DGKD: variants seen among roughly 807,000 people sequenced by gnomAD.
The protein encoded by DGKD is diacylglycerol kinase delta, also known as DAG kinase delta.
Under a neutral mutation model 154.4 loss-of-function variants are expected in DGKD, and 68 were observed. The ratio of observed to expected loss-of-function variants is 0.44; its 90% CI spans 0.36 to 0.54. DGKD has a LOEUF of 0.54. Among genes scored for constraint, DGKD ranks in the 20% least tolerant of loss-of-function variants. The pLI is 0.00. For synonymous variants in DGKD, 693 were observed against 638.0 expected (o/e 1.09, Z -1.30); for missense variants, 1,343 against 1,593.6 (o/e 0.84, Z 2.68).
chr2:233,445,512 C>T lies in DGKD; in HGVS notation c.1195-111C>T. On this transcript the variant is annotated intron_variant, in intron 10 of 29. Coordinates refer to ENST00000264057, the MANE Select transcript of DGKD (RefSeq NM_152879.3). This position sits in a 1 kb window ranked among gnomAD's most constrained non-coding sequence, Gnocchi z 5.5. ...TAAGCTGCGTGGTTTTAGGTCACGT[C>T]CCCACATTGCTAACGTAACCCTCAC... 3 of 1,439,260 alleles carry T rather than the reference C, an allele frequency of 2.1e-6. No homozygotes were observed. The highest frequency in any genetic ancestry group is 1.4e-5 in the African/African-American group (1 of 69,210). The allele number at this position is 1,439,260 out of a possible 1,614,324, so 89.2% of individuals were successfully genotyped here.
At chr2:233,394,690 CCTTTT>C (rs368976687) in intron 3 of DGKD, among the ~76,000 whole-genome samples, 1,664 of 83,130 alleles carry the variant, frequency 0.02, 358 homozygotes, top group Non-Finnish European at 0.026. Flanking sequence ...AATTTAATTC[CCTTTT>C]TTTTTTTTTT....
intron 11 of DGKD, among the ~76,000 whole-genome samples, chr2:233,446,390 C>T (rs2063072308): frequency 1.3e-5 from 2 of 152,228 alleles, no homozygotes; most frequent in African/African-American, 4.8e-5. Context: ...GTGAAATGCT[C>T]ATCTCACTGG....
intron 3 of DGKD, chr2:233,419,398 T>C (rs2062045411): frequency 1.0e-6 from 1 of 985,444 alleles, no homozygotes; most frequent in Non-Finnish European, 1.2e-6. Flanking sequence ...AGCTGGAAAC[T>C]GTTCTGAGCA....
chr2:233,396,980 G>GGC (rs1553626492), intron 3 of DGKD, among the ~76,000 whole-genome samples: 4 of 84,898 alleles, frequency 4.7e-5, no homozygotes, highest in African/African-American at 4.4e-5. Flanking sequence ...GCTGGGGGGG[G>GGC]CAGAGCGAGA....
chr2:233,367,229 CT>C (rs11365397), intron 1 of DGKD, among the ~76,000 whole-genome samples: 87,419 of 143,962 alleles, frequency 0.61, 26,100 homozygotes, highest in South Asian at 0.75. Flanking sequence ...GTATTAATGA[CT>C]TTTTTTTTTT....
rs958643997 is a variant in DGKD, at chr2:233,359,173, C to A, written c.156+4499C>A. Among the ~76,000 whole-genome samples, 6 of 152,320 alleles carry A rather than the reference C, an allele frequency of 3.9e-5. No homozygotes were observed. The East Asian group carries it at 1.2e-3, about 29-fold the overall frequency. On this transcript the variant is annotated intron_variant, in intron 1 of 29. Transcript: ENST00000264057. ...TGGTGTCAGATGAAGTCACTTCAGA[C>A]CCTGCGCTTCTAGTTATGAAGCATG...
At chr2:233,423,819 G>A (rs2062201622) in intron 3 of DGKD, among the ~76,000 whole-genome samples, 1 of 152,100 alleles carries the variant, frequency 6.6e-6, no homozygotes, top group Non-Finnish European at 1.5e-5. Flanking sequence ...CACCCCCCCA[G>A]TATCCATCAC....
chr2:233,434,305 GT>G, intron 3 of DGKD, 74 bp from the exon 4 acceptor site: 1 of 1,201,206 alleles, frequency 8.3e-7, no homozygotes, highest in Non-Finnish European at 1.2e-6. Context: ...TGTGAGGTCG[GT>G]TTTAAGAAAG....
At chr2:233,364,893 G>T (rs77906510) in intron 1 of DGKD, among the ~76,000 whole-genome samples, 4,997 of 152,106 alleles carry the variant, frequency 0.033, 262 homozygotes, top group African/African-American at 0.11. Flanking sequence ...AAAACATAAG[G>T]ATATTAAAAG....
chr2:233,368,678 A>G (rs1187333353), intron 1 of DGKD, among the ~76,000 whole-genome samples: 1 of 151,804 alleles, frequency 6.6e-6, no homozygotes, highest in African/African-American at 2.4e-5. Flanking sequence ...TCTCCCCCCA[A>G]CCCTAAACCC....
chr2:233,436,738 A>C (rs965281713), intron 7 of DGKD, among the ~76,000 whole-genome samples: 1 of 152,260 alleles, frequency 6.6e-6, no homozygotes, highest in Non-Finnish European at 1.5e-5. Flanking sequence ...CACCTGGGAC[A>C]ATTGAGCTGG....
chr2:233,362,298 T>C (rs369064916), intron 1 of DGKD, among the ~76,000 whole-genome samples: 14 of 152,174 alleles, frequency 9.2e-5, no homozygotes, highest in African/African-American at 3.4e-4. Flanking sequence ...AGGTCTTACT[T>C]GTGTTTAATT....
chr2:233,370,334 C>G (rs187758112), intron 1 of DGKD, among the ~76,000 whole-genome samples: 11 of 151,906 alleles, frequency 7.2e-5, no homozygotes, highest in South Asian at 4.2e-4. Flanking sequence ...TCACCTCAGC[C>G]CCCCCAGTAG....
intron 1 of DGKD, among the ~76,000 whole-genome samples, chr2:233,373,309 G>C (rs1702415477): frequency 6.6e-6 from 1 of 152,202 alleles, no homozygotes; most frequent in African/African-American, 2.4e-5. Context: ...TAACACGGAG[G>C]AAGTTTCTTA....
chr2:233,448,592 C>T (rs1177523440), intron 14 of DGKD, among the ~76,000 whole-genome samples: 1 of 152,188 alleles, frequency 6.6e-6, no homozygotes, highest in Non-Finnish European at 1.5e-5. Flanking sequence ...TGGGAGCTGC[C>T]CGAGCAGCGG....
intron 3 of DGKD, among the ~76,000 whole-genome samples, chr2:233,418,443 T>C (rs1199852638): frequency 6.6e-6 from 1 of 152,246 alleles, no homozygotes; most frequent in African/African-American, 2.4e-5. Flanking sequence ...GTTGAAATAG[T>C]GAATAGGTAA....
At chr2:233,451,868 C>T in intron 17 of DGKD, 96 bp from the exon 18 acceptor site, 2 of 1,008,042 alleles carry the variant, frequency 2.0e-6, no homozygotes, top group Non-Finnish European at 1.5e-6. Flanking sequence ...TAATAACGTT[C>T]TGCAGAATAC....
rs574816967 is a variant in DGKD at position 233,444,192 on chromosome 2, C to T, written c.1195-1431C>T. On this transcript the variant is annotated intron_variant, in intron 10 of 29. Coordinates refer to ENST00000264057, the MANE Select transcript of DGKD (RefSeq NM_152879.3). ...GCCCCCACCCTGCGTTCCTTTCCTT[C>T]GAGTCTGAAAACATCATCCATCTAG... 2.0e-4 allele frequency among the ~76,000 whole-genome samples: 31 copies of T among 152,240 alleles called. No individual in the cohort carries two copies. The South Asian group carries it at 5.8e-3, about 29-fold the overall frequency.
chr2:233,451,137 C>T (rs1229485716), intron 17 of DGKD, 87 bp downstream of exon 17: 23 of 1,318,712 alleles, frequency 1.7e-5, no homozygotes, highest in Middle Eastern at 2.4e-4. Context: ...TCGCTGCCCT[C>T]GGAGAGTTTA....
Sources: allele counts gnomAD v4.1 joint callset (sites outside exome capture counted in the v4.1 genomes callset), GRCh38; gene constraint gnomAD v4.1.1; non-coding constraint Gnocchi (gnomAD v3.1); transcripts MANE v1.5; gene names NCBI Gene and HGNC (gene_info 2026-07-23, HGNC 2026-07-21).